The following IQGAP2 variants were observed in gnomAD, a reference collection of about 807,000 sequenced individuals.
IQGAP2 encodes the protein IQ motif containing GTPase activating protein 2, also known as ras GTPase-activating-like protein IQGAP2.
A neutral mutation model predicts 201.3 loss-of-function variants in IQGAP2; 173 were observed. The observed-to-expected ratio is 0.86, with a 90% CI of 0.76 to 0.98. IQGAP2 has a LOEUF of 0.98. Among genes scored for constraint, IQGAP2 ranks in the 50% least tolerant of loss-of-function variants. The pLI, the probability that IQGAP2 is intolerant of heterozygous loss-of-function variation, is 0.00. For missense variants in IQGAP2, 1,687 were observed against 1,864.8 expected (o/e 0.90, Z 1.76); for synonymous variants, 675 against 673.9 (o/e 1.00, Z -0.03).
intron 21 of IQGAP2, among the ~76,000 whole-genome samples, chr5:76,664,498 C>T (rs1461308180): frequency 6.6e-6 from 1 of 152,188 alleles, no homozygotes; most frequent in Non-Finnish European, 1.5e-5. Context: ...GCCTGGCCAA[C>T]ATGGTGAAAC....
At chr5:76,553,899 G>C (rs765438241) in intron 2 of IQGAP2, among the ~76,000 whole-genome samples, 3 of 152,150 alleles carry the variant, frequency 2.0e-5, no homozygotes, top group African/African-American at 7.2e-5. Flanking sequence ...TCTGGTTTTC[G>C]TTTCTGTGGA....
chr5:76,463,123 TAAAAAAAAAAA>T (rs5868826), intron 2 of IQGAP2, among the ~76,000 whole-genome samples: 1 of 105,716 alleles, frequency 9.5e-6, no homozygotes, highest in South Asian at 3.4e-4. Context: ...ACGCTGTCTT[TAAAAAAAAAAA>T]AAAAAAAAAG....
Position 76,702,541 on chromosome 5 carries a change from G to A in IQGAP2, c.4565G>A (p.Arg1522Lys). The A allele has an allele frequency of 6.2e-7, 1 of 1,602,176 alleles. No individual in the cohort carries two copies. The highest frequency in any genetic ancestry group is 8.6e-7 in the Non-Finnish European group (1 of 1,169,182). Reference protein sequence around the residue: ...ATEDVGIFDVRSKFLGVEMEK... With the variant: ...ATEDVGIFDVKSKFLGVEMEK... ...GAAGATGTAGGCATTTTCGATGTAAGATCAAAATTCCTTGGTGTTGAGATG... is the reference window on the plus strand; with the variant it reads ...GAAGATGTAGGCATTTTCGATGTAAAATCAAAATTCCTTGGTGTTGAGATG... Residue 1522 changes from arginine to lysine, a missense_variant, in exon 35 of 36, where the codon AGA becomes AAA. Transcript: ENST00000274364.
At chr5:76,430,670 A>C (rs1366486183) in intron 1 of IQGAP2, among the ~76,000 whole-genome samples, 2 of 152,236 alleles carry the variant, frequency 1.3e-5, no homozygotes, top group African/African-American at 4.8e-5. Context: ...AAGGACTAAA[A>C]AAATTCACAG....
At chr5:76,684,022 A>G (rs1745530218) in intron 30 of IQGAP2, 105 bp downstream of exon 30, 2 of 984,200 alleles carry the variant, frequency 2.0e-6, no homozygotes, top group Non-Finnish European at 1.4e-6. Flanking sequence ...GTATGTGAAC[A>G]TTGAAATCTA....
intron 2 of IQGAP2, among the ~76,000 whole-genome samples, chr5:76,478,796 C>T (rs1438405663): frequency 6.6e-6 from 1 of 152,154 alleles, no homozygotes; most frequent in African/African-American, 2.4e-5. Flanking sequence ...TGCGCAATGA[C>T]GGAATCACCT....
rs533845489 is a variant in IQGAP2, at chr5:76,427,706, G to A, written c.46+24115G>A. Among the ~76,000 whole-genome samples the A allele has an allele frequency of 2.0e-5, 3 of 152,344 alleles. No homozygotes were observed. The South Asian group carries it at 6.2e-4, about 32-fold the overall frequency. On this transcript the variant is annotated intron_variant, in intron 1 of 35. Transcript: ENST00000274364. ...TCTGGGCTGGGCCCCGAGACTGCAT[G>A]TGTAACAAGCTCCCAGGTGATGCCG... is the stretch of plus-strand genomic sequence containing the variant.
At chr5:76,488,912 G>T (rs574010198) in intron 2 of IQGAP2, among the ~76,000 whole-genome samples, 2 of 152,294 alleles carry the variant, frequency 1.3e-5, no homozygotes, top group African/African-American at 4.8e-5. Flanking sequence ...CGGCTGAGTT[G>T]TCCTATCCAC....
chr5:76,539,678 A>G (rs1348887077), intron 2 of IQGAP2, among the ~76,000 whole-genome samples: 2 of 152,076 alleles, frequency 1.3e-5, no homozygotes, highest in African/African-American at 4.8e-5. Context: ...GCATGGGAAG[A>G]GGGGCTGTGG....
intron 1 of IQGAP2, among the ~76,000 whole-genome samples, chr5:76,415,812 G>A (rs894009152): frequency 6.6e-6 from 1 of 152,122 alleles, no homozygotes; most frequent in African/African-American, 2.4e-5. Flanking sequence ...GGGTATGGTG[G>A]CATGTGCCTG....
chr5:76,524,827 C>T (rs943295325), intron 2 of IQGAP2, among the ~76,000 whole-genome samples: 8 of 152,144 alleles, frequency 5.3e-5, no homozygotes, highest in African/African-American at 1.4e-4. Flanking sequence ...GTGTAAGATT[C>T]GTTATTTAAA....
At chr5:76,424,087 G>C (rs1751870177) in intron 1 of IQGAP2, among the ~76,000 whole-genome samples, 1 of 152,130 alleles carries the variant, frequency 6.6e-6, no homozygotes, top group Non-Finnish European at 1.5e-5. Context: ...CCATAACTCA[G>C]TTAGGAATAT....
intron 1 of IQGAP2, among the ~76,000 whole-genome samples, chr5:76,451,072 C>T (rs1258359159): frequency 6.6e-6 from 1 of 152,132 alleles, no homozygotes; most frequent in Admixed American, 6.5e-5. Flanking sequence ...AAGTCAGCTC[C>T]TTAGTATATC....
rs1022060932 is a variant in IQGAP2, at chr5:76,505,961, A to G, written c.146+44292A>G. Among the ~76,000 whole-genome samples the G allele has an allele frequency of 8.5e-5, 13 of 152,130 alleles. 1 individual carries two copies. Among genetic ancestry groups the G allele is most frequent in the South Asian group, 8.3e-4 (4 of 4,826 alleles). On this transcript the variant is annotated intron_variant, in intron 2 of 35. Transcript: ENST00000274364. ...TACGTAATGAGGTCTTGAACTTATG[A>G]TTTAAGTTCAACATTAATTAGACAC...
At chr5:76,406,942 C>T (rs995922335) in intron 1 of IQGAP2, among the ~76,000 whole-genome samples, 2 of 152,006 alleles carry the variant, frequency 1.3e-5, no homozygotes, top group East Asian at 1.9e-4. Context: ...GTTGTGGGGG[C>T]GGGGAAGGGG....
At chr5:76,473,312 A>G (rs1444284795) in intron 2 of IQGAP2, among the ~76,000 whole-genome samples, 1 of 152,184 alleles carries the variant, frequency 6.6e-6, no homozygotes, top group Non-Finnish European at 1.5e-5. Flanking sequence ...CATTGGCTAT[A>G]TATGGCTATA....
intron 1 of IQGAP2, among the ~76,000 whole-genome samples, chr5:76,433,559 C>T (rs1229081196): frequency 6.6e-6 from 1 of 152,206 alleles, no homozygotes; most frequent in African/African-American, 2.4e-5. Flanking sequence ...TTTGCTGTTG[C>T]TAGCCTCCTA....
At chr5:76,612,366 C>A (rs537302786) in intron 13 of IQGAP2, among the ~76,000 whole-genome samples, 1 of 152,060 alleles carries the variant, frequency 6.6e-6, no homozygotes, top group Non-Finnish European at 1.5e-5. Flanking sequence ...TGTGGTGGCT[C>A]ACACCTATAA....
At chr5:76,547,861 G>C (rs977238900) in intron 2 of IQGAP2, among the ~76,000 whole-genome samples, 1 of 152,130 alleles carries the variant, frequency 6.6e-6, no homozygotes, top group African/African-American at 2.4e-5. Flanking sequence ...AAGGCCCTTT[G>C]GTCAGCTTAT....
Sources: gnomAD v4.1 joint callset for allele counts (sites outside exome capture counted in the v4.1 genomes callset) on GRCh38, gnomAD v4.1.1 for gene constraint, MANE v1.5 for transcripts, NCBI Gene and HGNC (gene_info 2026-07-23, HGNC 2026-07-21) for gene names.